Variants in SPACA7 observed in about 807,000 individuals in gnomAD.
The protein encoded by SPACA7 is sperm acrosome associated 7, also known as sperm acrosome-associated protein 7.
In SPACA7, 19 loss-of-function variants were observed where a neutral mutation model predicts 26.3. The observed-to-expected ratio is 0.72, with a 90% CI of 0.50 to 1.06. The LOEUF (loss-of-function observed/expected upper bound fraction) is 1.06. Among genes scored for constraint, SPACA7 ranks in the 50% least tolerant of loss-of-function variants. The probability of loss-of-function intolerance (pLI) is 0.00; values close to 1 mark genes in which losing one functional copy is unlikely to be tolerated. For synonymous variants in SPACA7, 84 were observed against 84.5 expected, an observed-to-expected ratio of 0.99 and a Z score of 0.04; for missense variants, 211 against 229.9, an observed-to-expected ratio of 0.92 and a Z score of 0.53.
At chr13:112,378,438 C>A (rs557402402) in intron 1 of SPACA7, among the ~76,000 whole-genome samples, 1 of 152,232 alleles carries the variant, frequency 6.6e-6, no homozygotes, top group African/African-American at 2.4e-5. Context: ...TCACATCTTA[C>A]AAGATTTGGT....
chr13:112,434,032 C>A (rs567586764), intron 6 of SPACA7, among the ~76,000 whole-genome samples: 1 of 152,312 alleles, frequency 6.6e-6, no homozygotes, highest in African/African-American at 2.4e-5. Context: ...ACGTCACCAG[C>A]ACCTCTAGGT....
intron 5 of SPACA7, among the ~76,000 whole-genome samples, chr13:112,428,540 A>T (rs1876759023): frequency 6.6e-6 from 1 of 152,180 alleles, no homozygotes; most frequent in Admixed American, 6.5e-5. Context: ...AGATCATGCC[A>T]CTGCACTCCG....
intron 2 of SPACA7, among the ~76,000 whole-genome samples, chr13:112,397,290 C>A (rs1885337591): frequency 6.6e-6 from 1 of 152,150 alleles, no homozygotes; most frequent in Admixed American, 6.5e-5. Context: ...ACCCAGAGGG[C>A]CCCAGCAAAC....
chr13:112,413,887 A>G (rs1886511580), intron 5 of SPACA7, among the ~76,000 whole-genome samples: 1 of 152,200 alleles, frequency 6.6e-6, no homozygotes, highest in Admixed American at 6.5e-5. Flanking sequence ...ACAGTTATGC[A>G]GGCTGTACAG....
At chr13:112,430,869 A>T (rs1877057885) in intron 5 of SPACA7, among the ~76,000 whole-genome samples, 1 of 152,268 alleles carries the variant, frequency 6.6e-6, no homozygotes, top group Admixed American at 6.5e-5. Flanking sequence ...TAAATGATGA[A>T]TTACATATGT....
intron 5 of SPACA7, among the ~76,000 whole-genome samples, chr13:112,424,522 G>A (rs1876337800): frequency 1.3e-5 from 2 of 152,078 alleles, no homozygotes; most frequent in Admixed American, 6.5e-5. Context: ...GGGGGGCTTG[G>A]TGCTTTTCAT....
chr13:112,390,108 C>G (rs1884779504), intron 1 of SPACA7, among the ~76,000 whole-genome samples: 1 of 149,014 alleles, frequency 6.7e-6, no homozygotes, highest in Non-Finnish European at 1.5e-5. Context: ...AGTCAAGGGG[C>G]TGAGTGGGAA....
chr13:112,383,045 A>AGAGAGAGAGAGAGAGAGAGAAAGG (rs781245231), intron 1 of SPACA7, among the ~76,000 whole-genome samples: 21 of 135,056 alleles, frequency 1.6e-4, no homozygotes, highest in Admixed American at 3.0e-4. Context: ...AGAGAGAAAG[A>AGAGAGAGAGAGAGAGAGAGAAAGG]CAGAAGGAAA....
At chr13:112,400,820 C>G (rs1885590939) in intron 4 of SPACA7, among the ~76,000 whole-genome samples, 1 of 152,178 alleles carries the variant, frequency 6.6e-6, no homozygotes, top group Non-Finnish European at 1.5e-5. Context: ...GGAATTATCT[C>G]CAGGGTCAAT....
chr13:112,422,443 A>G (rs1409491692), intron 5 of SPACA7, among the ~76,000 whole-genome samples: 1 of 152,222 alleles, frequency 6.6e-6, no homozygotes, highest in African/African-American at 2.4e-5. Flanking sequence ...AAATTACTCA[A>G]ATTGACCTTT....
intron 5 of SPACA7, among the ~76,000 whole-genome samples, chr13:112,405,725 T>C (rs1765679067): frequency 6.6e-6 from 1 of 152,210 alleles, no homozygotes; most frequent in African/African-American, 2.4e-5. Flanking sequence ...ATTTTACACC[T>C]ATTCAACCTG....
intron 5 of SPACA7, among the ~76,000 whole-genome samples, chr13:112,422,227 C>G (rs1876056755): frequency 6.6e-6 from 1 of 152,164 alleles, no homozygotes; most frequent in African/African-American, 2.4e-5. Flanking sequence ...GGGTCAGTTT[C>G]TTAGGAAGAC....
At chr13:112,389,328 C>A (rs1884728336) in intron 1 of SPACA7, among the ~76,000 whole-genome samples, 1 of 152,194 alleles carries the variant, frequency 6.6e-6, no homozygotes, top group African/African-American at 2.4e-5. Context: ...CCAAATAAAG[C>A]TACCATCATC....
At chr13:112,418,145 A>C (rs1200154914) in intron 5 of SPACA7, among the ~76,000 whole-genome samples, 11 of 152,338 alleles carry the variant, frequency 7.2e-5, no homozygotes, top group African/African-American at 2.4e-4. Context: ...AAATCTTTAG[A>C]AATTCTAGAT....
At chr13:112,385,910 A>T (rs991036974) in intron 1 of SPACA7, among the ~76,000 whole-genome samples, 1 of 152,238 alleles carries the variant, frequency 6.6e-6, no homozygotes, top group Non-Finnish European at 1.5e-5. Flanking sequence ...TTCATTGGCC[A>T]GTTTTTTAAT....
chr13:112,385,969 A>T (rs1884498355), intron 1 of SPACA7, among the ~76,000 whole-genome samples: 1 of 152,214 alleles, frequency 6.6e-6, no homozygotes, highest in African/African-American at 2.4e-5. Context: ...GAGCTGGGAA[A>T]GCATGAAACT....
intron 1 of SPACA7, among the ~76,000 whole-genome samples, chr13:112,383,186 AAAG>A (rs1566453633): frequency 2.0e-4 from 27 of 136,258 alleles, no homozygotes; most frequent in Non-Finnish European, 3.6e-4. Context: ...AGAAAGAAAG[AAAG>A]AAAGAAAAGA....
intron 5 of SPACA7, among the ~76,000 whole-genome samples, chr13:112,428,708 T>C (rs1876781314): frequency 6.6e-6 from 1 of 152,220 alleles, no homozygotes; most frequent in Non-Finnish European, 1.5e-5. Context: ...AGAAAATATA[T>C]GTTATATGGC....
rs185146087 is a variant in SPACA7 at position 112,380,905 on chromosome 13, A to G, written c.94+4426A>G. 3.9e-5 allele frequency among the ~76,000 whole-genome samples: 6 copies of G among 152,368 alleles called. No homozygotes were observed. In the East Asian group the frequency reaches 9.7e-4, roughly 25 times the overall value. On this transcript the variant is annotated intron_variant, in intron 1 of 6. Transcript: ENST00000283550. The stretch of plus-strand genomic sequence containing the variant: ...AGTAGACAGTTGTGAATTGTGTCAC[A>G]TATAGCATTCTGTAACAAAGTAGCA...
Sources: gnomAD v4.1 joint callset for allele counts (sites outside exome capture counted in the v4.1 genomes callset) on GRCh38, gnomAD v4.1.1 for gene constraint, MANE v1.5 for transcripts, NCBI Gene and HGNC (gene_info 2026-07-23, HGNC 2026-07-21) for gene names.